The following TMEFF1 variants were observed in gnomAD, a reference collection of about 807,000 sequenced individuals.
TMEFF1 encodes tomoregulin-1.
A neutral mutation model predicts 47.5 loss-of-function variants in TMEFF1; 20 were observed. The observed-to-expected ratio is 0.42, with a 90% CI of 0.30 to 0.61. The LOEUF (loss-of-function observed/expected upper bound fraction) is 0.61, where lower values mean the gene tolerates loss of function less well. TMEFF1 is among the 20% of genes least tolerant of loss of function. TMEFF1 has a pLI of 0.19. For synonymous variants in TMEFF1, 162 were observed against 166.3 expected (o/e 0.97, Z 0.20); for missense variants, 411 against 471.1 (o/e 0.87, Z 1.18).
chr9:100,501,944 CTTTGA>C (rs1423556474), intron 2 of TMEFF1, among the ~76,000 whole-genome samples: 2 of 151,970 alleles, frequency 1.3e-5, no homozygotes, highest in Non-Finnish European at 2.9e-5. Flanking sequence ...CGCCTGGCTA[CTTTGA>C]TTTATTTTTA....
chr9:100,542,451 A>T (rs992982907), intron 5 of TMEFF1, among the ~76,000 whole-genome samples: 4 of 152,226 alleles, frequency 2.6e-5, no homozygotes, highest in Admixed American at 2.6e-4. Context: ...TCCTTTACTG[A>T]CAGTCAGCAG....
chr9:100,543,178 T>A lies in TMEFF1; in HGVS notation c.561-4566T>A, dbSNP rs181021407. ...CCTGACCTCAGGTGATTCGCCCACC[T>A]TGGCCTCCCAAAGTGCTGGGATTAT... On this transcript the variant is annotated intron_variant, in intron 5 of 9. Transcript: ENST00000374879. Among the ~76,000 whole-genome samples the A allele has an allele frequency of 1.3e-3, 200 of 152,294 alleles. 2 individuals carry two copies. The highest frequency in any genetic ancestry group is 5.3e-4 in the Non-Finnish European group (36 of 68,022).
At chr9:100,516,540 G>T in intron 4 of TMEFF1, 135 bp from the exon 5 acceptor site, 1 of 1,141,308 alleles carries the variant, frequency 8.8e-7, no homozygotes, top group Non-Finnish European at 1.2e-6. Flanking sequence ...AGCATTGGTA[G>T]ATTTTGGAAG....
intron 1 of TMEFF1, among the ~76,000 whole-genome samples, chr9:100,474,029 C>G (rs1348688591): frequency 6.6e-6 from 1 of 151,350 alleles, no homozygotes. Flanking sequence ...CGAGGCTGAG[C>G]GGCCGGCCGG....
rs529927228 is a variant in TMEFF1 at position 100,563,730 on chromosome 9, G to T, written c.899+2210G>T. The stretch of plus-strand genomic sequence containing the variant: ...TAAGCCCGTTAGTCAGGGGCTCTTT[G>T]TTTTGTTAACCACTATTTTCCCTGT... On this transcript the variant is annotated intron_variant, in intron 8 of 9. Transcript: ENST00000374879. Among the ~76,000 whole-genome samples the T allele has an allele frequency of 6.6e-5, 10 of 152,252 alleles. No homozygotes were observed. In the East Asian group the frequency reaches 1.9e-3, roughly 29 times the overall value.
intron 7 of TMEFF1, among the ~76,000 whole-genome samples, chr9:100,558,533 C>A (rs576973704): frequency 1.3e-5 from 2 of 151,296 alleles, no homozygotes; most frequent in South Asian, 2.1e-4. Flanking sequence ...GGAAAGTCTT[C>A]TGCTTGGATC....
At chr9:100,544,087 G>GATATATATATATAT (rs35750255) in intron 5 of TMEFF1, among the ~76,000 whole-genome samples, 53 of 147,128 alleles carry the variant, frequency 3.6e-4, no homozygotes, top group African/African-American at 1.3e-3. Flanking sequence ...CCTTCATGCT[G>GATATATATATATAT]ATATATATAT....
intron 1 of TMEFF1, among the ~76,000 whole-genome samples, chr9:100,496,440 A>G (rs961796007): frequency 6.6e-6 from 1 of 152,144 alleles, no homozygotes; most frequent in African/African-American, 2.4e-5. Flanking sequence ...AGGTTTCATT[A>G]TGTTGGCCAA....
chr9:100,516,138 A>AAG (rs2118386973), intron 4 of TMEFF1, among the ~76,000 whole-genome samples: 1 of 152,312 alleles, frequency 6.6e-6, no homozygotes, highest in African/African-American at 2.4e-5. Context: ...GTCCTTTACA[A>AAG]AGAGACCCTT....
At chr9:100,516,564 G>A (rs896922890) in intron 4 of TMEFF1, 111 bp from the exon 5 acceptor site, 2 of 1,355,184 alleles carry the variant, frequency 1.5e-6, no homozygotes, top group African/African-American at 2.9e-5. Context: ...CTGTTTTCAA[G>A]AGCTCAGGTA....
At chr9:100,538,637 G>T (rs981492654) in intron 5 of TMEFF1, among the ~76,000 whole-genome samples, 3 of 151,986 alleles carry the variant, frequency 2.0e-5, no homozygotes, top group African/African-American at 7.3e-5. Context: ...GCTTTTGATT[G>T]CTTTTGTATT....
intron 5 of TMEFF1, among the ~76,000 whole-genome samples, chr9:100,543,516 A>T (rs769952959): frequency 6.6e-6 from 1 of 151,894 alleles, no homozygotes; most frequent in Admixed American, 6.6e-5. Context: ...TCAGAATTGT[A>T]TCTGTGGAAA....
At chr9:100,502,581 TG>T (rs1213833467) in intron 2 of TMEFF1, among the ~76,000 whole-genome samples, 1 of 152,126 alleles carries the variant, frequency 6.6e-6, no homozygotes, top group Non-Finnish European at 1.5e-5. Context: ...AGACTGGTCT[TG>T]AACTCCTGGG....
chr9:100,475,101 C>T (rs566476273), intron 1 of TMEFF1, among the ~76,000 whole-genome samples: 1 of 152,248 alleles, frequency 6.6e-6, no homozygotes, highest in East Asian at 1.9e-4. Flanking sequence ...GAGGGAGGAA[C>T]ATAAGGCCAC....
chr9:100,476,885 A>C (rs1232717806), intron 1 of TMEFF1, among the ~76,000 whole-genome samples: 2 of 150,660 alleles, frequency 1.3e-5, no homozygotes, highest in African/African-American at 4.9e-5. Flanking sequence ...TTTAGTAGAG[A>C]TGGGGTTTCA....
chr9:100,494,206 C>CAAAAAAAAA, intron 1 of TMEFF1, among the ~76,000 whole-genome samples: 1 of 54,242 alleles, frequency 1.8e-5, no homozygotes, highest in Non-Finnish European at 4.1e-5. Flanking sequence ...GACCTTGTCT[C>CAAAAAAAAA]AAAAAAAAAA....
chr9:100,517,675 TAATA>T (rs911013398), intron 5 of TMEFF1, among the ~76,000 whole-genome samples: 1 of 152,192 alleles, frequency 6.6e-6, no homozygotes, highest in Non-Finnish European at 1.5e-5. Flanking sequence ...GTAAGTTCAA[TAATA>T]AATGAACTCA....
At chr9:100,499,756 T>C (rs1332706805) in intron 2 of TMEFF1, among the ~76,000 whole-genome samples, 2 of 152,170 alleles carry the variant, frequency 1.3e-5, no homozygotes, top group Non-Finnish European at 2.9e-5. Context: ...CCCTTACTTA[T>C]GATACTGTAA....
chr9:100,498,838 A>G lies in TMEFF1; in HGVS notation c.270A>G (p.Glu90=). The G allele has an allele frequency of 6.2e-7, 1 of 1,614,022 alleles. No homozygotes were observed. Among genetic ancestry groups the G allele is most frequent in the Non-Finnish European group, 8.5e-7 (1 of 1,179,916 alleles). ...GTAAATATGGAGGAGTCTGTAAAGAAGATGGAGATGGTTTGAAATGTGCAT... is the reference window on the plus strand; with the variant it reads ...GTAAATATGGAGGAGTCTGTAAAGAGGATGGAGATGGTTTGAAATGTGCAT... ...SSCKYGGVCK[E]DGDGLKCACQ... The change falls in exon 2 of 10, where the codon GAA becomes GAG. Residue 90 remains glutamate, a synonymous_variant. Transcript: ENST00000374879.
Sources: gnomAD v4.1 joint callset for allele counts (sites outside exome capture counted in the v4.1 genomes callset) on GRCh38, gnomAD v4.1.1 for gene constraint, MANE v1.5 for transcripts, NCBI Gene and HGNC (gene_info 2026-07-23, HGNC 2026-07-21) for gene names.